The following GNG7 variants were observed in gnomAD, a reference collection of about 807,000 sequenced individuals.
The protein encoded by GNG7 is G protein subunit gamma 7.
A neutral mutation model predicts 4.0 loss-of-function variants in GNG7; 1 was observed. That is an observed-to-expected ratio of 0.25 (90% CI 0.09 to 1.18). The LOEUF (loss-of-function observed/expected upper bound fraction) is 1.18, where lower values mean the gene tolerates loss of function less well. GNG7 is among the 50% of genes most tolerant of loss of function. GNG7 has a pLI of 0.50. For missense variants in GNG7, 86 were observed against 91.9 expected (o/e 0.94, Z 0.26); for synonymous variants, 34 against 36.9 (o/e 0.92, Z 0.29).
At position 2,511,879 on chromosome 19, in the gene GNG7, C is replaced by T; in HGVS notation, c.*3143G>A. ...GGTGGGAGAGGGGTGAGGGTTCTGG[C>T]TCCTTCCTGGAGAGAGGAGGGCAGG... On this transcript the variant is annotated 3_prime_UTR_variant, in exon 5 of 5. Transcript: ENST00000382159. This position sits in a 1 kb window ranked among gnomAD's most constrained non-coding sequence, Gnocchi z 6.3. 2.0e-6 allele frequency: 2 copies of T among 986,274 alleles called. No homozygotes were observed. The highest frequency in any genetic ancestry group is 2.4e-6 in the Non-Finnish European group (2 of 830,288). The allele number at this position is 986,274 out of a possible 1,614,324, so 61.1% of individuals were successfully genotyped here.
intron 2 of GNG7, among the ~76,000 whole-genome samples, chr19:2,561,500 C>A (rs958767307): frequency 6.6e-6 from 1 of 152,124 alleles, no homozygotes; most frequent in Non-Finnish European, 1.5e-5. Context: ...CCTCTCTGCA[C>A]CCTGGCCTGG....
At chr19:2,549,452 G>A (rs933360644) in intron 3 of GNG7, among the ~76,000 whole-genome samples, 4 of 151,950 alleles carry the variant, frequency 2.6e-5, no homozygotes, top group South Asian at 2.1e-4. Context: ...CACCGCACCC[G>A]GCTAATTTTT....
chr19:2,541,917 G>T (rs1978974209), intron 3 of GNG7, among the ~76,000 whole-genome samples: 2 of 151,720 alleles, frequency 1.3e-5, no homozygotes, highest in South Asian at 2.1e-4. Context: ...TCTGTCTCAA[G>T]AAAATAAAAA....
intron 3 of GNG7, among the ~76,000 whole-genome samples, chr19:2,527,785 C>CA (rs1555691020): frequency 7.9e-5 from 12 of 151,608 alleles, no homozygotes; most frequent in African/African-American, 2.4e-4. Flanking sequence ...CCCCCCCCCC[C>CA]ACCAGTGCGC....
At chr19:2,664,630 C>A (rs1983259332) in intron 1 of GNG7, among the ~76,000 whole-genome samples, 1 of 152,194 alleles carries the variant, frequency 6.6e-6, no homozygotes, top group South Asian at 2.1e-4. Flanking sequence ...TAGAGACCCT[C>A]CTCACCCAGT....
At position 2,546,994 on chromosome 19, in the gene GNG7, A is replaced by G. The variant is rs2144753135; in HGVS notation, c.-38+8155T>C. Among the ~76,000 whole-genome samples the G allele has an allele frequency of 6.6e-6, 1 of 152,132 alleles. No individual in the cohort carries two copies. The highest frequency in any genetic ancestry group is 2.4e-5 in the African/African-American group (1 of 41,508). ...CGTGACGGTGGTGCTCGGGAGCTGA[A>G]GGGCAGGAGGGTTAGGAAGAGAACA... On this transcript the variant is annotated intron_variant, in intron 3 of 4. Coordinates refer to ENST00000382159, the MANE Select transcript of GNG7 (RefSeq NM_052847.3). The surrounding 1 kb of genome is among the most constrained non-coding windows in gnomAD (Gnocchi z 6.3).
At chr19:2,574,241 C>T (rs900057360) in intron 2 of GNG7, among the ~76,000 whole-genome samples, 3 of 152,236 alleles carry the variant, frequency 2.0e-5, no homozygotes, top group South Asian at 2.1e-4. Flanking sequence ...ACGCTGGAGC[C>T]GGAAGATGGG....
At chr19:2,566,448 A>T (rs936163169) in intron 2 of GNG7, among the ~76,000 whole-genome samples, 9 of 152,182 alleles carry the variant, frequency 5.9e-5, no homozygotes, top group African/African-American at 1.9e-4. Flanking sequence ...CGTGGTGTCT[A>T]AACGGCTAGG....
chr19:2,602,897 T>TTTTCTTTCTTTCTTTCTTTTCTTTC (rs767379416), intron 2 of GNG7, among the ~76,000 whole-genome samples: 8 of 103,394 alleles, frequency 7.7e-5, no homozygotes, highest in African/African-American at 3.5e-4. Flanking sequence ...CTTTTTCTCT[T>TTTTCTTTCTTTCTTTCTTTTCTTTC]TTTCTTTCTT....
chr19:2,656,211 G>T (rs1982969829), intron 1 of GNG7, among the ~76,000 whole-genome samples: 1 of 152,098 alleles, frequency 6.6e-6, no homozygotes, highest in African/African-American at 2.4e-5. Context: ...CCACTTCTGG[G>T]TATACATCCA....
rs928313940 is a variant in GNG7 at position 2,634,610 on chromosome 19, C to T, written c.-78+11614G>A. ...TGCGGGCTGCACACACGTTTTCTCT[C>T]GGGGAGGGTGGTAGCAATGAGCTGT... On this transcript the variant is annotated intron_variant, in intron 2 of 4. Coordinates refer to ENST00000382159, the MANE Select transcript of GNG7 (RefSeq NM_052847.3). The surrounding 1 kb of genome is among the most constrained non-coding windows in gnomAD (Gnocchi z 5.3). Among the ~76,000 whole-genome samples the T allele has an allele frequency of 6.6e-6, 1 of 152,074 alleles. No homozygotes were observed. The highest frequency in any genetic ancestry group is 2.4e-5 in the African/African-American group (1 of 41,394).
rs1171788139 is a variant in GNG7 at position 2,617,727 on chromosome 19, T to TA, written c.-78+28496_-78+28497insT. 6.6e-6 allele frequency among the ~76,000 whole-genome samples: 1 copy of TA among 151,800 alleles called. No individual in the cohort carries two copies. Among genetic ancestry groups the TA allele is most frequent in the African/African-American group, 2.4e-5 (1 of 41,272 alleles). Reference sequence around the variant, plus strand: ...TATTTTGTCTTTTCCTTTTTATTTTTTTTTTTTTTGAGATAGGGTCTTGCT... The same window carrying TA: ...TATTTTGTCTTTTCCTTTTTATTTTTATTTTTTTTTGAGATAGGGTCTTGCT... On this transcript the variant is annotated intron_variant, in intron 2 of 4. Transcript: ENST00000382159. This position sits in a 1 kb window ranked among gnomAD's most constrained non-coding sequence, Gnocchi z 4.7.
intron 2 of GNG7, among the ~76,000 whole-genome samples, chr19:2,585,547 T>C (rs965809804): frequency 6.6e-6 from 1 of 152,188 alleles, no homozygotes; most frequent in African/African-American, 2.4e-5. Context: ...AGTTCAAAAG[T>C]ATATTGAAAA....
At chr19:2,621,026 CG>C (rs1184012527) in intron 2 of GNG7, among the ~76,000 whole-genome samples, 14 of 152,172 alleles carry the variant, frequency 9.2e-5, no homozygotes, top group African/African-American at 3.4e-4. Flanking sequence ...TTTCTGCAAA[CG>C]GGGGCCCCAT....
At chr19:2,643,843 C>T (rs2144858274) in intron 2 of GNG7, 2 of 355,166 alleles carry the variant, frequency 5.6e-6, no homozygotes, top group East Asian at 7.4e-5. Context: ...CATCGACTCC[C>T]AGAGCTGCCC....
intron 1 of GNG7, among the ~76,000 whole-genome samples, chr19:2,675,796 C>T (rs1983580358): frequency 6.6e-6 from 1 of 152,084 alleles, no homozygotes; most frequent in Non-Finnish European, 1.5e-5. Flanking sequence ...CCTGCAGTGC[C>T]CAGGATGGCC....
At chr19:2,630,069 C>G (rs1339065090) in intron 2 of GNG7, among the ~76,000 whole-genome samples, 3 of 151,670 alleles carry the variant, frequency 2.0e-5, no homozygotes, top group Admixed American at 2.0e-4. Context: ...AACTGGGACA[C>G]AGCCTGCCAC....
chr19:2,578,991 C>A (rs1020233009), intron 2 of GNG7, among the ~76,000 whole-genome samples: 7 of 152,230 alleles, frequency 4.6e-5, no homozygotes, highest in African/African-American at 1.7e-4. Flanking sequence ...TTGTCTGTCG[C>A]TTGTCTGCGA....
chr19:2,608,175 A>T (rs1981449925), intron 2 of GNG7, among the ~76,000 whole-genome samples: 1 of 151,962 alleles, frequency 6.6e-6, no homozygotes, highest in Non-Finnish European at 1.5e-5. Context: ...CGTCGGTTTC[A>T]CACCTAAAAG....
Sources: allele counts gnomAD v4.1 joint callset (sites outside exome capture counted in the v4.1 genomes callset), GRCh38; gene constraint gnomAD v4.1.1; non-coding constraint Gnocchi (gnomAD v3.1); transcripts MANE v1.5; gene names NCBI Gene and HGNC (gene_info 2026-07-23, HGNC 2026-07-21).